Variants in SNTG1 observed in about 807,000 individuals in gnomAD.
SNTG1 encodes gamma-1-syntrophin.
A neutral mutation model predicts 74.7 loss-of-function variants in SNTG1; 39 were observed. That is an observed-to-expected ratio of 0.52 (90% CI 0.40 to 0.68). The LOEUF is 0.68. Among genes scored for constraint, SNTG1 ranks in the 30% least tolerant of loss-of-function variants. The pLI is 0.00. For missense variants in SNTG1, 685 were observed against 609.5 expected (o/e 1.12, Z -1.30); for synonymous variants, 254 against 217.1 (o/e 1.17, Z -1.49).
At chr8:50,735,241 G>A (rs1023441727) in intron 17 of SNTG1, among the ~76,000 whole-genome samples, 3 of 151,616 alleles carry the variant, frequency 2.0e-5, no homozygotes. Context: ...GTTTAAAAGA[G>A]AATTGTTGAG....
intron 1 of SNTG1, among the ~76,000 whole-genome samples, chr8:49,947,430 T>A (rs1348644589): frequency 1.3e-5 from 2 of 152,232 alleles, no homozygotes; most frequent in African/African-American, 4.8e-5. Context: ...TACATTCTTT[T>A]TGTTGTCACC....
At chr8:50,605,428 G>A (rs1182062778) in intron 13 of SNTG1, among the ~76,000 whole-genome samples, 1 of 152,174 alleles carries the variant, frequency 6.6e-6, no homozygotes, top group African/African-American at 2.4e-5. Context: ...CTGATATCTG[G>A]GATGGGTAAT....
intron 1 of SNTG1, among the ~76,000 whole-genome samples, chr8:50,101,531 A>G (rs576690038): frequency 1.8e-4 from 27 of 152,026 alleles, no homozygotes; most frequent in Non-Finnish European, 3.7e-4. Context: ...ATGATTAGTG[A>G]TGGGGAGTAT....
chr8:50,198,762 A>G (rs558452150), intron 2 of SNTG1, among the ~76,000 whole-genome samples: 3 of 152,304 alleles, frequency 2.0e-5, no homozygotes, highest in African/African-American at 4.8e-5. Context: ...TGTTTCCACA[A>G]TCATTTTTCC....
At chr8:50,546,346 A>G (rs2094387563) in intron 11 of SNTG1, among the ~76,000 whole-genome samples, 1 of 151,906 alleles carries the variant, frequency 6.6e-6, no homozygotes, top group South Asian at 2.1e-4. Flanking sequence ...ATTTAAGCAT[A>G]TCATGATGTT....
intron 9 of SNTG1, among the ~76,000 whole-genome samples, chr8:50,518,722 C>A (rs1187415530): frequency 2.0e-5 from 3 of 152,234 alleles, no homozygotes; most frequent in Non-Finnish European, 4.4e-5. Flanking sequence ...GGGTAAATTC[C>A]TGAACACATA....
At position 50,683,275 on chromosome 8, in the gene SNTG1, G is replaced by A. The variant is rs546738779; in HGVS notation, c.1039-21325G>A. On this transcript the variant is annotated intron_variant, in intron 15 of 18. Coordinates refer to ENST00000642720, the MANE Select transcript of SNTG1 (RefSeq NM_018967.5). ...GAACTTTGCTTGAAAATATTTCCCC[G>A]TTGAAAGTTATTTGTATTTGCTTAA... 1.2e-4 allele frequency among the ~76,000 whole-genome samples: 19 copies of A among 152,206 alleles called. 1 individual carries two copies. The highest frequency in any genetic ancestry group is 2.1e-4 in the South Asian group (1 of 4,814).
At chr8:50,555,485 G>A (rs374966355) in intron 12 of SNTG1, among the ~76,000 whole-genome samples, 3 of 152,124 alleles carry the variant, frequency 2.0e-5, no homozygotes, top group Admixed American at 1.3e-4. Flanking sequence ...AAGAAATTAG[G>A]CAGAAAGAGT....
intron 2 of SNTG1, among the ~76,000 whole-genome samples, chr8:50,355,303 C>T (rs956661081): frequency 3.3e-5 from 5 of 151,632 alleles, no homozygotes; most frequent in African/African-American, 1.2e-4. Context: ...AATTAAATTG[C>T]CACCTCCAAT....
chr8:50,478,478 A>G (rs1256470588), intron 8 of SNTG1, among the ~76,000 whole-genome samples: 4 of 152,168 alleles, frequency 2.6e-5, no homozygotes, highest in Non-Finnish European at 5.9e-5. Context: ...TTTATTATCA[A>G]TCGTTTCACT....
At chr8:50,422,174 AG>A (rs1371098593) in intron 4 of SNTG1, among the ~76,000 whole-genome samples, 1 of 152,160 alleles carries the variant, frequency 6.6e-6, no homozygotes, top group Non-Finnish European at 1.5e-5. Flanking sequence ...GCTGGCCAGA[AG>A]GCAGCCATTT....
At chr8:50,641,710 A>G (rs1200008251) in intron 13 of SNTG1, among the ~76,000 whole-genome samples, 2 of 152,210 alleles carry the variant, frequency 1.3e-5, no homozygotes, top group Non-Finnish European at 2.9e-5. Flanking sequence ...CCTCGTGATA[A>G]TTGAGTCATC....
rs142999813 is a variant in SNTG1, at chr8:50,470,794, C to G, written c.363+20065C>G. ...CAGCAGCAAGATTTATGACAAAGAG[C>G]AAAAGAACAAAGCTTCCACAGAATA... On this transcript the variant is annotated intron_variant, in intron 8 of 18. Transcript: ENST00000642720. Among the ~76,000 whole-genome samples, 1,097 of 152,232 alleles carry G rather than the reference C, an allele frequency of 7.2e-3. 8 individuals are homozygous for G. The highest frequency in any genetic ancestry group is 0.025 in the African/African-American group (1,048 of 41,544).
At chr8:50,475,924 GAAGTGGA>G (rs2093693760) in intron 8 of SNTG1, among the ~76,000 whole-genome samples, 2 of 152,164 alleles carry the variant, frequency 1.3e-5, no homozygotes, top group African/African-American at 4.8e-5. Context: ...ACAAAAACGT[GAAGTGGA>G]AAACTTCAGA....
chr8:50,735,428 A>G (rs1289900631), intron 17 of SNTG1, among the ~76,000 whole-genome samples: 1 of 151,920 alleles, frequency 6.6e-6, no homozygotes, highest in Non-Finnish European at 1.5e-5. Context: ...AAGAACACAA[A>G]TGACCTGATG....
chr8:50,338,479 T>C (rs930066775), intron 2 of SNTG1, among the ~76,000 whole-genome samples: 5 of 152,148 alleles, frequency 3.3e-5, no homozygotes, highest in African/African-American at 9.7e-5. Context: ...AATTAATGAA[T>C]TGGTAGTTTA....
At chr8:50,323,103 T>C (rs62517571) in intron 2 of SNTG1, among the ~76,000 whole-genome samples, 80,285 of 147,438 alleles carry the variant, frequency 0.54, 23,479 homozygotes, top group East Asian at 0.85. Context: ...GCAAGACTTG[T>C]CTGGAAAAAA....
rs2095448263 is a variant in SNTG1 at position 50,707,740 on chromosome 8, G to A, written c.1192-1146G>A. ...CTATTTCTCTCTCATCTTGTACATG[G>A]ATCACAAATATTTTTCATGATTGGA... On this transcript the variant is annotated intron_variant, in intron 16 of 18. Transcript: ENST00000642720. 2.0e-5 allele frequency among the ~76,000 whole-genome samples: 3 copies of A among 151,768 alleles called. No individual in the cohort carries two copies. In the South Asian group the frequency reaches 6.2e-4, roughly 32 times the overall value.
At chr8:50,499,108 A>G (rs752790998) in intron 8 of SNTG1, among the ~76,000 whole-genome samples, 4 of 151,688 alleles carry the variant, frequency 2.6e-5, no homozygotes, top group Non-Finnish European at 5.9e-5. Context: ...GATTTTTTAA[A>G]TTTCCACATG....
Sources: gnomAD v4.1 joint callset for allele counts (sites outside exome capture counted in the v4.1 genomes callset) on GRCh38, gnomAD v4.1.1 for gene constraint, MANE v1.5 for transcripts, NCBI Gene and HGNC (gene_info 2026-07-23, HGNC 2026-07-21) for gene names.